The following PCDHGA7 variants were observed in gnomAD, a reference collection of about 807,000 sequenced individuals.
The protein encoded by PCDHGA7 is protocadherin gamma-A7.
PCDHGA7 carries 44 observed loss-of-function variants against 58.3 expected under a neutral mutation model. The observed-to-expected ratio is 0.75, with a 90% CI of 0.59 to 0.97. The LOEUF (loss-of-function observed/expected upper bound fraction) is 0.97, where lower values mean the gene tolerates loss of function less well. Ranked by LOEUF, PCDHGA7 falls within the 50% of genes least tolerant of loss-of-function variation. PCDHGA7 has a pLI of 0.00. For synonymous variants in PCDHGA7, 516 were observed against 504.2 expected (o/e 1.02, Z -0.31); for missense variants, 1,266 against 1,188.7 (o/e 1.06, Z -0.96).
Position 141,432,089 on chromosome 5 carries a change from G to A in PCDHGA7, c.2424+46766G>A, listed in dbSNP as rs1325165974. On this transcript the variant is annotated intron_variant, in intron 1 of 3. Transcript: ENST00000518325. The surrounding 1 kb of genome is among the most constrained non-coding windows in gnomAD (Gnocchi z 6.0). Reference sequence around the variant, plus strand: ...AACTCATATCTCGCTGAACGTGGCAGACACCAACGACAACCCGCCGGTCTT... The same window carrying A: ...AACTCATATCTCGCTGAACGTGGCAAACACCAACGACAACCCGCCGGTCTT... The A allele has an allele frequency of 6.2e-7, 1 of 1,614,046 alleles. No homozygotes were observed. Among genetic ancestry groups the A allele is most frequent in the Non-Finnish European group, 8.5e-7 (1 of 1,180,052 alleles).
At chr5:141,396,797 T>C (rs1043872860) in intron 1 of PCDHGA7, among the ~76,000 whole-genome samples, 1 of 152,182 alleles carries the variant, frequency 6.6e-6, no homozygotes, top group Non-Finnish European at 1.5e-5. Context: ...TTCCTAAGGA[T>C]TGTGTAGTGT....
Position 141,432,454 on chromosome 5 carries a change from C to T in PCDHGA7, c.2424+47131C>T, listed in dbSNP as rs751733947. On this transcript the variant is annotated intron_variant, in intron 1 of 3. Coordinates refer to ENST00000518325, the MANE Select transcript of PCDHGA7 (RefSeq NM_018920.4). The surrounding 1 kb of genome is among the most constrained non-coding windows in gnomAD (Gnocchi z 6.0). ...ACAATGCGCCCGAGATCCTGTACCC[C>T]GCCCTCCCCACGGACGGTTCCACTG... 134 of 1,614,108 alleles carry T rather than the reference C, an allele frequency of 8.3e-5. No homozygotes were observed. The highest frequency in any genetic ancestry group is 1.1e-4 in the Non-Finnish European group (133 of 1,180,058).
chr5:141,422,453 G>A, intron 1 of PCDHGA7: 3 of 1,611,704 alleles, frequency 1.9e-6, no homozygotes, highest in Non-Finnish European at 2.5e-6. Context: ...ATAACAAGCA[G>A]AGTGCTGGAC....
chr5:141,433,222 A>G, intron 1 of PCDHGA7: 6 of 1,519,556 alleles, frequency 3.9e-6, no homozygotes, highest in Non-Finnish European at 5.4e-6. Flanking sequence ...TTTTTTTTTA[A>G]TTGCTCTGTC....
chr5:141,510,582 A>G (rs1156375287), intron 3 of PCDHGA7, among the ~76,000 whole-genome samples: 2 of 152,166 alleles, frequency 1.3e-5, no homozygotes, highest in Non-Finnish European at 2.9e-5. Context: ...TATTTTACGT[A>G]CCTGACATAC....
chr5:141,499,725 C>T (rs554409998), intron 2 of PCDHGA7, among the ~76,000 whole-genome samples: 3 of 138,474 alleles, frequency 2.2e-5, no homozygotes, highest in African/African-American at 5.4e-5. Context: ...GACAGAGTCT[C>T]ACTCTCTTGC....
intron 1 of PCDHGA7, among the ~76,000 whole-genome samples, chr5:141,407,377 C>A (rs1436703926): frequency 6.6e-6 from 1 of 152,170 alleles, no homozygotes; most frequent in Non-Finnish European, 1.5e-5. Context: ...TCCATGAAGG[C>A]TTGTATGTCA....
chr5:141,399,407 C>T (rs1168752842), intron 1 of PCDHGA7: 5 of 1,613,914 alleles, frequency 3.1e-6, no homozygotes, highest in Non-Finnish European at 4.2e-6. Context: ...GGCAAGCCGC[C>T]CCTCTCCTCC....
At chr5:141,439,934 G>T (rs1477526863) in intron 1 of PCDHGA7, 2 of 152,382 alleles carry the variant, frequency 1.3e-5, no homozygotes, top group Admixed American at 1.3e-4. Context: ...ATCCTGCTGG[G>T]CATTCTCTAT....
rs377138746 is a variant in PCDHGA7, at chr5:141,432,481, C to A, written c.2424+47158C>A. Reference sequence around the variant, plus strand: ...CCCTCCCCACGGACGGTTCCACTGGCGTGGAGCTGGCTCCCCGCTCCGCAG... The same window carrying A: ...CCCTCCCCACGGACGGTTCCACTGGAGTGGAGCTGGCTCCCCGCTCCGCAG... On this transcript the variant is annotated intron_variant, in intron 1 of 3. Transcript: ENST00000518325. This position sits in a 1 kb window ranked among gnomAD's most constrained non-coding sequence, Gnocchi z 6.0. 6.2e-7 allele frequency: 1 copy of A among 1,614,080 alleles called. No individual in the cohort carries two copies.
chr5:141,402,402 T>TTAAGATAC (rs1275769528), intron 1 of PCDHGA7, among the ~76,000 whole-genome samples: 2 of 152,012 alleles, frequency 1.3e-5, no homozygotes, highest in South Asian at 4.1e-4. Context: ...CAGAAAATTG[T>TTAAGATAC]TAAGATACAC....
At chr5:141,388,270 A>G (rs1387371856) in intron 1 of PCDHGA7, 1 of 1,596,568 alleles carries the variant, frequency 6.3e-7, no homozygotes, top group Non-Finnish European at 8.5e-7. Flanking sequence ...ATTAATGACC[A>G]CACGCCAAAA....
intron 1 of PCDHGA7, chr5:141,400,718 A>G (rs2094066078): frequency 3.0e-6 from 2 of 671,700 alleles, no homozygotes; most frequent in Non-Finnish European, 5.0e-6. Flanking sequence ...AGCCTTATAG[A>G]TTTACAAAGT....
At position 141,490,124 on chromosome 5, in the gene PCDHGA7, T is replaced by C. The variant is rs1216088470; in HGVS notation, c.2425-4683T>C. On this transcript the variant is annotated intron_variant, in intron 1 of 3. Transcript: ENST00000518325. The surrounding 1 kb of genome is among the most constrained non-coding windows in gnomAD (Gnocchi z 5.4). ...GAGGCAGTGCGGAACCTCTTTGGCCTAGACCCTAGCAGTGGGGCAATCCAT... is the reference window on the plus strand; with the variant it reads ...GAGGCAGTGCGGAACCTCTTTGGCCCAGACCCTAGCAGTGGGGCAATCCAT... 6.2e-7 allele frequency: 1 copy of C among 1,614,144 alleles called. No individual in the cohort carries two copies. Among genetic ancestry groups the C allele is most frequent in the Non-Finnish European group, 8.5e-7 (1 of 1,180,054 alleles).
Position 141,487,532 on chromosome 5 carries a change from A to C in PCDHGA7, c.2425-7275A>C. 6.2e-7 allele frequency: 1 copy of C among 1,614,158 alleles called. No homozygotes were observed. Among genetic ancestry groups the C allele is most frequent in the Non-Finnish European group, 8.5e-7 (1 of 1,180,022 alleles). On this transcript the variant is annotated intron_variant, in intron 1 of 3. Transcript: ENST00000518325. This position sits in a 1 kb window ranked among gnomAD's most constrained non-coding sequence, Gnocchi z 5.0. Reference sequence around the variant, plus strand: ...ACCCACTCGGAGTGATAGCTTCATGATGGTGAAGTCACCCAGTGCACCTAT... The same window carrying C: ...ACCCACTCGGAGTGATAGCTTCATGCTGGTGAAGTCACCCAGTGCACCTAT...
At chr5:141,398,483 T>A (rs754131866) in intron 1 of PCDHGA7, 1 of 1,608,486 alleles carries the variant, frequency 6.2e-7, no homozygotes, top group Non-Finnish European at 8.5e-7. Flanking sequence ...TTTTATCACG[T>A]GAATGTGGAG....
intron 1 of PCDHGA7, chr5:141,419,724 G>A (rs200134846): frequency 1.9e-4 from 301 of 1,613,488 alleles, no homozygotes; most frequent in South Asian, 1.2e-3. Context: ...CTGGGGCTGC[G>A]AACAGGCGAG....
Position 141,393,179 on chromosome 5 carries a change from A to T in PCDHGA7, c.2424+7856A>T, listed in dbSNP as rs375085176. 8.7e-6 allele frequency: 14 copies of T among 1,613,202 alleles called. 2 individuals are homozygous for T. In the East Asian group the frequency reaches 2.5e-4, roughly 28 times the overall value. ...GAAAACTCTTTGGGGTAGAAATAGA[A>T]ATAATTGATATTAACGATAATAACC... On this transcript the variant is annotated intron_variant, in intron 1 of 3. Coordinates refer to ENST00000518325, the MANE Select transcript of PCDHGA7 (RefSeq NM_018920.4).
chr5:141,499,047 GA>G (rs2099789201), intron 2 of PCDHGA7, among the ~76,000 whole-genome samples: 1 of 151,580 alleles, frequency 6.6e-6, no homozygotes, highest in South Asian at 2.1e-4. Flanking sequence ...GAAAAAGGGA[GA>G]AAAAATGAAG....
Sources: gnomAD v4.1 joint callset for allele counts (sites outside exome capture counted in the v4.1 genomes callset) on GRCh38, gnomAD v4.1.1 for gene constraint, Gnocchi (gnomAD v3.1) non-coding constraint, MANE v1.5 for transcripts, NCBI Gene and HGNC (gene_info 2026-07-23, HGNC 2026-07-21) for gene names.